ZNF277: variants seen among roughly 807,000 people sequenced by gnomAD.
The protein encoded by ZNF277 is nuclear receptor-interacting factor 4.
A neutral mutation model predicts 60.7 loss-of-function variants in ZNF277; 55 were observed. The observed-to-expected ratio is 0.91, with a 90% CI of 0.73 to 1.13. ZNF277 has a LOEUF of 1.13. ZNF277 is among the 50% of genes most tolerant of loss of function. The pLI, the probability that ZNF277 is intolerant of heterozygous loss-of-function variation, is 0.00. For missense variants in ZNF277, 510 were observed against 523.0 expected (o/e 0.98, Z 0.24); for synonymous variants, 178 against 179.3 (o/e 0.99, Z 0.06).
intron 2 of ZNF277, among the ~76,000 whole-genome samples, chr7:112,291,249 T>A (rs1344554919): frequency 6.6e-6 from 1 of 152,146 alleles, no homozygotes; most frequent in African/African-American, 2.4e-5. Context: ...ACACATTCAC[T>A]GCTACTTAAT....
chr7:112,234,067 AT>A (rs549387577), intron 1 of ZNF277, among the ~76,000 whole-genome samples: 8 of 151,664 alleles, frequency 5.3e-5, no homozygotes, highest in East Asian at 1.9e-4. Context: ...GCTGATTAAA[AT>A]TTTTTTTCTA....
At chr7:112,290,929 CAA>C (rs899222003) in intron 2 of ZNF277, among the ~76,000 whole-genome samples, 8 of 152,012 alleles carry the variant, frequency 5.3e-5, no homozygotes, top group Admixed American at 5.2e-4. Context: ...ACTCAGAACT[CAA>C]GAGGAATTGT....
chr7:112,281,723 G>T (rs1354750707), intron 1 of ZNF277, among the ~76,000 whole-genome samples: 2 of 151,584 alleles, frequency 1.3e-5, no homozygotes, highest in African/African-American at 2.4e-5. Flanking sequence ...AGTACCTTCG[G>T]TCCATTATTC....
In ZNF277 at chr7:112,327,789, C is replaced by A; in HGVS notation, c.630C>A (p.Cys210Ter). Residue 210 changes from cysteine to a stop codon, truncating the protein, a stop_gained, in exon 6 of 12, where the codon TGC becomes TGA. Coordinates refer to ENST00000361822, the MANE Select transcript of ZNF277 (RefSeq NM_021994.3). LOFTEE classifies it high-confidence loss of function. The stretch of plus-strand genomic sequence containing the variant: ...GATTGCCAGACAACATTGTAAACTG[C>A]AATGAATTTTTGTGTACATTACAGA... ...NIGLPDNIVNCNEFLCTLQKK... is the reference protein window; with the variant it reads ...NIGLPDNIVN 6.2e-7 allele frequency: 1 copy of A among 1,611,960 alleles called. No individual in the cohort carries two copies. Among genetic ancestry groups the A allele is most frequent in the South Asian group, 1.1e-5 (1 of 90,566 alleles).
intron 9 of ZNF277, 29 bp from the exon 10 acceptor site, chr7:112,339,814 G>A (rs1793408131): frequency 1.9e-6 from 3 of 1,597,934 alleles, no homozygotes; most frequent in East Asian, 2.2e-5. Flanking sequence ...TAATTCATAT[G>A]CTTACAGATG....
intron 4 of ZNF277, among the ~76,000 whole-genome samples, chr7:112,306,683 C>T (rs1470481537): frequency 6.6e-6 from 1 of 152,034 alleles, no homozygotes; most frequent in African/African-American, 2.4e-5. Context: ...TTCCAGCCAC[C>T]TTTCTATCAG....
intron 4 of ZNF277, among the ~76,000 whole-genome samples, chr7:112,298,040 G>T (rs967081661): frequency 2.6e-5 from 4 of 152,120 alleles, no homozygotes; most frequent in Non-Finnish European, 4.4e-5. Flanking sequence ...AACAAAAGAA[G>T]AATGAAAAGG....
In ZNF277 at chr7:112,254,828, G is replaced by A. The variant is rs184243805; in HGVS notation, c.92-32045G>A. Among the ~76,000 whole-genome samples, 33 of 152,014 alleles carry A rather than the reference G, an allele frequency of 2.2e-4. No homozygotes were observed. In the East Asian group the frequency reaches 6.0e-3, roughly 28 times the overall value. On this transcript the variant is annotated intron_variant, in intron 1 of 11. Transcript: ENST00000361822. ...TAGAAAAAATGTTTAAAAATTAGCC[G>A]GGCGTGGTGGCATGGGCTTGTAGTC...
chr7:112,334,396 T>C (rs1370582857), intron 7 of ZNF277, among the ~76,000 whole-genome samples: 1 of 150,856 alleles, frequency 6.6e-6, no homozygotes, highest in Non-Finnish European at 1.5e-5. Flanking sequence ...ATTAGAGAGT[T>C]ATGTGCTTTT....
chr7:112,223,774 C>T (rs904185320), intron 1 of ZNF277, among the ~76,000 whole-genome samples: 4 of 152,198 alleles, frequency 2.6e-5, no homozygotes, highest in African/African-American at 9.7e-5. Context: ...ACCCAGAATT[C>T]TCTGGTTAGA....
At chr7:112,221,945 A>G (rs1011926253) in intron 1 of ZNF277, among the ~76,000 whole-genome samples, 9 of 152,228 alleles carry the variant, frequency 5.9e-5, no homozygotes, top group African/African-American at 1.9e-4. Context: ...CTCCACATCT[A>G]TGGAGTCATA....
chr7:112,264,010 A>G (rs1354869214), intron 1 of ZNF277, among the ~76,000 whole-genome samples: 1 of 152,122 alleles, frequency 6.6e-6, no homozygotes, highest in Non-Finnish European at 1.5e-5. Flanking sequence ...AAACATTGAA[A>G]AATATAAACA....
At chr7:112,276,924 A>G (rs1791810819) in intron 1 of ZNF277, among the ~76,000 whole-genome samples, 1 of 152,102 alleles carries the variant, frequency 6.6e-6, no homozygotes, top group Non-Finnish European at 1.5e-5. Flanking sequence ...TATTTTAGTA[A>G]GTTATTTTGT....
chr7:112,263,266 G>A (rs1454118539), intron 1 of ZNF277, among the ~76,000 whole-genome samples: 1 of 152,178 alleles, frequency 6.6e-6, no homozygotes, highest in Non-Finnish European at 1.5e-5. Context: ...AAGCAGGAGG[G>A]TGTATGGGGA....
chr7:112,324,634 T>G (rs578008229), intron 5 of ZNF277, among the ~76,000 whole-genome samples: 2 of 152,154 alleles, frequency 1.3e-5, no homozygotes, highest in Non-Finnish European at 2.9e-5. Context: ...AAGCCTTTCC[T>G]CCCTTCTCAC....
At chr7:112,278,066 A>G (rs1791851995) in intron 1 of ZNF277, among the ~76,000 whole-genome samples, 1 of 152,108 alleles carries the variant, frequency 6.6e-6, no homozygotes, top group Non-Finnish European at 1.5e-5. Flanking sequence ...AGCTTATCTC[A>G]TATTCTCAGA....
intron 5 of ZNF277, among the ~76,000 whole-genome samples, chr7:112,325,890 A>T (rs1793081721): frequency 6.6e-6 from 1 of 152,182 alleles, no homozygotes; most frequent in African/African-American, 2.4e-5. Flanking sequence ...GGCTGCGGCC[A>T]AAATCCTTGC....
intron 1 of ZNF277, among the ~76,000 whole-genome samples, chr7:112,277,551 G>T (rs1373417142): frequency 6.6e-6 from 1 of 152,058 alleles, no homozygotes; most frequent in East Asian, 1.9e-4. Flanking sequence ...TTGTCTAATA[G>T]ACTAGTCAAT....
chr7:112,330,163 A>C lies in ZNF277; in HGVS notation c.748A>C (p.Lys250Gln). ...KDHMRKKQHRKINPKNREYDR... is the reference protein window; with the variant it reads ...KDHMRKKQHRQINPKNREYDR... ...TCACATGAGGAAAAAACAGCATCGT[A>C]AGATTAATCCTAAGAACAGAGAATA... is the stretch of plus-strand genomic sequence containing the variant. Residue 250 changes from lysine (K) to glutamine (Q), a missense_variant, in exon 7 of 12, where the codon AAG becomes CAG. Lys to Gln is a moderately conservative substitution (Grantham distance 53, BLOSUM62 1). Coordinates refer to ENST00000361822, the MANE Select transcript of ZNF277 (RefSeq NM_021994.3). The C allele has an allele frequency of 6.2e-7, 1 of 1,613,280 alleles. No individual in the cohort carries two copies.
Sources: allele counts gnomAD v4.1 joint callset (sites outside exome capture counted in the v4.1 genomes callset), GRCh38; gene constraint gnomAD v4.1.1; transcripts MANE v1.5; gene names NCBI Gene and HGNC (gene_info 2026-07-23, HGNC 2026-07-21).